The following NFKB1 variants were observed in gnomAD, a reference collection of about 807,000 sequenced individuals.
NFKB1 encodes nuclear factor NF-kappa-B p105 subunit.
Under a neutral mutation model 105.1 loss-of-function variants are expected in NFKB1, and 9 were observed. The ratio of observed to expected loss-of-function variants is 0.09; its 90% CI spans 0.05 to 0.15. The LOEUF is 0.15. Ranked by LOEUF, NFKB1 falls within the 10% of genes least tolerant of loss-of-function variation. NFKB1 has a pLI of 1.00. For synonymous variants in NFKB1, 440 were observed against 442.2 expected (o/e 1.00, Z 0.06); for missense variants, 830 against 1,203.7 (o/e 0.69, Z 4.59).
chr4:102,528,271 A>G (rs548544548), intron 2 of NFKB1, among the ~76,000 whole-genome samples: 2 of 152,206 alleles, frequency 1.3e-5, no homozygotes, highest in South Asian at 2.1e-4. Flanking sequence ...AAAATCCTGT[A>G]TGAAATGAGG....
intron 3 of NFKB1, among the ~76,000 whole-genome samples, chr4:102,532,873 T>C (rs1237939043): frequency 1.3e-5 from 2 of 152,176 alleles, no homozygotes; most frequent in African/African-American, 4.8e-5. Context: ...TGCAAAGCTA[T>C]GGATTATTGT....
At chr4:102,505,614 T>G (rs1350762973) in intron 1 of NFKB1, among the ~76,000 whole-genome samples, 1 of 152,218 alleles carries the variant, frequency 6.6e-6, no homozygotes, top group African/African-American at 2.4e-5. Flanking sequence ...AGTTCATCTA[T>G]GGATCCTATT....
chr4:102,616,388 T>G (rs984014196), intron 23 of NFKB1, 46 bp from the exon 24 acceptor site: 8 of 1,604,274 alleles, frequency 5.0e-6, no homozygotes, highest in Non-Finnish European at 6.0e-6. Flanking sequence ...ATGAGCTTTT[T>G]AGAGCCCGGC....
chr4:102,614,282 G>T (rs1728727698), intron 23 of NFKB1, among the ~76,000 whole-genome samples: 2 of 152,064 alleles, frequency 1.3e-5, no homozygotes, highest in Admixed American at 1.3e-4. Context: ...CAGCTGAGGA[G>T]CCACCTCTCC....
chr4:102,542,134 C>G (rs759597087), intron 5 of NFKB1, among the ~76,000 whole-genome samples: 20 of 152,114 alleles, frequency 1.3e-4, no homozygotes, highest in Admixed American at 3.3e-4. Flanking sequence ...CATTTTAAAA[C>G]CAACTCTAGA....
At chr4:102,594,208 C>G (rs905036321) in intron 12 of NFKB1, among the ~76,000 whole-genome samples, 3 of 152,144 alleles carry the variant, frequency 2.0e-5, no homozygotes, top group Middle Eastern at 3.2e-3. Context: ...GAACTTTAAG[C>G]ATAAATTTTA....
At chr4:102,548,999 A>G (rs1340691967) in intron 5 of NFKB1, among the ~76,000 whole-genome samples, 1 of 152,108 alleles carries the variant, frequency 6.6e-6, no homozygotes, top group Non-Finnish European at 1.5e-5. Flanking sequence ...CACTACAAAC[A>G]TATTGTGGCA....
chr4:102,536,795 G>A (rs906698307), intron 4 of NFKB1, among the ~76,000 whole-genome samples: 9 of 152,014 alleles, frequency 5.9e-5, no homozygotes, highest in Admixed American at 5.9e-4. Context: ...AGGTGAGAAT[G>A]TTCCTTAAAA....
At chr4:102,561,356 G>A (rs1189316437) in intron 5 of NFKB1, among the ~76,000 whole-genome samples, 6 of 149,302 alleles carry the variant, frequency 4.0e-5, no homozygotes, top group Admixed American at 2.0e-4. Context: ...TCATGTCTGT[G>A]GCATGACTCT....
At chr4:102,601,067 T>A in intron 16 of NFKB1, 58 bp downstream of exon 16, 1 of 1,098,186 alleles carries the variant, frequency 9.1e-7, no homozygotes, top group Non-Finnish European at 1.4e-6. Context: ...CTTTTTCTTC[T>A]GTTATGTTTG....
At chr4:102,515,107 A>ATTT (rs34257045) in intron 1 of NFKB1, among the ~76,000 whole-genome samples, 1,796 of 95,526 alleles carry the variant, frequency 0.019, 54 homozygotes, top group African/African-American at 0.049. Context: ...TATTATTATT[A>ATTT]TTTTTTTTTT....
At chr4:102,548,966 T>A (rs538664515) in intron 5 of NFKB1, among the ~76,000 whole-genome samples, 1 of 152,252 alleles carries the variant, frequency 6.6e-6, no homozygotes, top group African/African-American at 2.4e-5. Context: ...TAGATGTGAA[T>A]TCTGGGGGTA....
intron 6 of NFKB1, among the ~76,000 whole-genome samples, chr4:102,571,813 A>G (rs1440546807): frequency 6.6e-6 from 1 of 152,190 alleles, no homozygotes; most frequent in Admixed American, 6.5e-5. Context: ...TTAGAATGGC[A>G]ATCATTAAAA....
chr4:102,562,381 C>T lies in NFKB1; in HGVS notation c.259-4606C>T, dbSNP rs187767810. On this transcript the variant is annotated intron_variant, in intron 5 of 23. Coordinates refer to ENST00000226574, the MANE Select transcript of NFKB1 (RefSeq NM_003998.4). ...GATTATTTGATTAGTGTCAGTCCCA[C>T]TCTTTAATTCTCCACAAGAACAGAG... 3.3e-3 allele frequency among the ~76,000 whole-genome samples: 501 copies of T among 152,314 alleles called. 1 individual carries two copies. The highest frequency in any genetic ancestry group is 5.5e-3 in the Non-Finnish European group (372 of 68,030).
intron 3 of NFKB1, 128 bp from the exon 4 acceptor site, chr4:102,533,717 A>T: frequency 5.2e-6 from 4 of 766,824 alleles, no homozygotes; most frequent in Non-Finnish European, 6.6e-6. Flanking sequence ...GTGGAATTTT[A>T]ACCAAAAATT....
At chr4:102,578,728 T>C (rs968715043) in intron 7 of NFKB1, 153 bp from the exon 8 acceptor site, 3 of 694,604 alleles carry the variant, frequency 4.3e-6, no homozygotes, top group Non-Finnish European at 4.6e-6. Context: ...TAAATGAGAC[T>C]GTTTTTAACA....
intron 6 of NFKB1, among the ~76,000 whole-genome samples, chr4:102,574,071 G>T (rs1168877972): frequency 8.0e-6 from 1 of 124,802 alleles, no homozygotes; most frequent in African/African-American, 3.0e-5. Flanking sequence ...ATGCCTGTTA[G>T]TTTTTTATTG....
At chr4:102,590,816 A>G (rs1224558691) in intron 11 of NFKB1, among the ~76,000 whole-genome samples, 2 of 152,186 alleles carry the variant, frequency 1.3e-5, no homozygotes, top group Non-Finnish European at 2.9e-5. Context: ...CTTGAAATCA[A>G]AAGCCAAAAA....
intron 1 of NFKB1, among the ~76,000 whole-genome samples, chr4:102,513,884 G>A (rs1405597727): frequency 6.6e-6 from 1 of 151,808 alleles, no homozygotes; most frequent in Non-Finnish European, 1.5e-5. Context: ...AAAATAATGT[G>A]GACTCTGGGC....
Sources: allele counts gnomAD v4.1 joint callset (sites outside exome capture counted in the v4.1 genomes callset), GRCh38; gene constraint gnomAD v4.1.1; transcripts MANE v1.5; gene names NCBI Gene and HGNC (gene_info 2026-07-23, HGNC 2026-07-21).